TANGO6: variants seen among roughly 807,000 people sequenced by gnomAD.
TANGO6 encodes the protein transport and Golgi organization protein 6 homolog.
In TANGO6, 90 loss-of-function variants were observed where a neutral mutation model predicts 114.2. The ratio of observed to expected loss-of-function variants is 0.79; its 90% CI spans 0.66 to 0.94. The LOEUF (loss-of-function observed/expected upper bound fraction) is 0.94. TANGO6 is among the 40% of genes least tolerant of loss of function. The probability of loss-of-function intolerance (pLI) is 0.00; values close to 1 mark genes in which losing one functional copy is unlikely to be tolerated. For synonymous variants in TANGO6, 477 were observed against 509.8 expected (o/e 0.94, Z 0.87); for missense variants, 1,274 against 1,315.3 (o/e 0.97, Z 0.49).
intron 7 of TANGO6, among the ~76,000 whole-genome samples, chr16:68,883,636 T>G (rs1962495239): frequency 6.6e-6 from 1 of 152,218 alleles, no homozygotes; most frequent in Admixed American, 6.5e-5. Flanking sequence ...AACATTATTG[T>G]GTATATTTGT....
At chr16:69,034,885 T>A (rs1959661956) in intron 16 of TANGO6, 1 of 151,198 alleles carries the variant, frequency 6.6e-6, no homozygotes, top group African/African-American at 2.4e-5. Context: ...TTTTTTTCAA[T>A]TTTTCCTTGT....
chr16:68,883,637 G>T (rs1307306762), intron 7 of TANGO6, among the ~76,000 whole-genome samples: 2 of 152,062 alleles, frequency 1.3e-5, no homozygotes, highest in African/African-American at 4.8e-5. Context: ...ACATTATTGT[G>T]TATATTTGTG....
At chr16:68,933,069 G>A (rs1425126234) in intron 14 of TANGO6, among the ~76,000 whole-genome samples, 4 of 152,158 alleles carry the variant, frequency 2.6e-5, no homozygotes, top group Non-Finnish European at 5.9e-5. Flanking sequence ...ATAATGTGGT[G>A]ATCTCTGTAA....
intron 7 of TANGO6, among the ~76,000 whole-genome samples, chr16:68,884,701 TAGAG>T (rs766977997): frequency 3.3e-5 from 5 of 151,780 alleles, no homozygotes; most frequent in Non-Finnish European, 5.9e-5. Flanking sequence ...TCAGTAAACT[TAGAG>T]GGAGAAAAAA....
At chr16:68,865,441 T>C (rs1018687122) in intron 3 of TANGO6, among the ~76,000 whole-genome samples, 4 of 151,992 alleles carry the variant, frequency 2.6e-5, no homozygotes, top group Non-Finnish European at 4.4e-5. Flanking sequence ...TCTCAAAAGA[T>C]AGAAGAGGAA....
In TANGO6 at chr16:68,864,785, T is replaced by C. The variant is rs575094057; in HGVS notation, c.852+1724T>C. ...GTGTTTGAATTTGTAAACCTTTCCA[T>C]TCTTCAGGTTTCTTACCCATAAGAT... On this transcript the variant is annotated intron_variant, in intron 3 of 17. Transcript: ENST00000261778. Among the ~76,000 whole-genome samples, 332 of 152,276 alleles carry C rather than the reference T, an allele frequency of 2.2e-3. 4 individuals are homozygous for C. The highest frequency in any genetic ancestry group is 2.4e-3 in the Non-Finnish European group (161 of 68,016).
chr16:69,066,883 T>A (rs1361461241), intron 17 of TANGO6, among the ~76,000 whole-genome samples: 1 of 152,046 alleles, frequency 6.6e-6, no homozygotes, highest in African/African-American at 2.4e-5. Context: ...CAAGACCCCG[T>A]CTCTACAAAA....
intron 17 of TANGO6, among the ~76,000 whole-genome samples, chr16:69,071,434 T>TA (rs1960296088): frequency 6.6e-6 from 1 of 152,240 alleles, no homozygotes; most frequent in Non-Finnish European, 1.5e-5. Flanking sequence ...GTAAATGTCT[T>TA]ATTTTTGACC....
At chr16:69,061,258 C>T (rs763758213) in intron 17 of TANGO6, among the ~76,000 whole-genome samples, 14 of 152,116 alleles carry the variant, frequency 9.2e-5, no homozygotes, top group Non-Finnish European at 1.6e-4. Flanking sequence ...GCTAGAATCA[C>T]TCTGCTTTTC....
intron 15 of TANGO6, among the ~76,000 whole-genome samples, chr16:68,978,910 T>C (rs1963790987): frequency 6.7e-6 from 1 of 149,432 alleles, no homozygotes; most frequent in Non-Finnish European, 1.5e-5. Context: ...TACAGTAAAG[T>C]ATATAAAGTA....
At chr16:68,953,237 C>T (rs1254205687) in intron 14 of TANGO6, among the ~76,000 whole-genome samples, 1 of 152,130 alleles carries the variant, frequency 6.6e-6, no homozygotes, top group Admixed American at 6.6e-5. Flanking sequence ...GCACGCACCA[C>T]CACGCCTGGC....
intron 14 of TANGO6, among the ~76,000 whole-genome samples, chr16:68,938,333 G>A (rs557736220): frequency 8.5e-5 from 13 of 152,280 alleles, no homozygotes; most frequent in South Asian, 6.2e-4. Flanking sequence ...TAAAGTTTTG[G>A]AGATCTGGCA....
chr16:69,084,146 G>A lies in TANGO6; in HGVS notation c.*485G>A, dbSNP rs960552548. 2.6e-5 allele frequency: 4 copies of A among 152,720 alleles called. No homozygotes were observed. The highest frequency in any genetic ancestry group is 9.6e-5 in the African/African-American group (4 of 41,466). The allele number at this position is 152,720 out of a possible 1,614,324, so 9.5% of individuals were successfully genotyped here. ...GCATTTCAGAGTAGGAGATGCAGTT[G>A]GAGGTGGGGAGGGGAAGGAAATAGT... On this transcript the variant is annotated 3_prime_UTR_variant, in exon 18 of 18. Transcript: ENST00000261778.
chr16:69,039,832 A>C (rs1204789075), intron 16 of TANGO6, among the ~76,000 whole-genome samples: 1 of 152,190 alleles, frequency 6.6e-6, no homozygotes, highest in Non-Finnish European at 1.5e-5. Context: ...CCCTAGGCTG[A>C]AACTTTCATC....
intron 15 of TANGO6, among the ~76,000 whole-genome samples, chr16:69,009,606 T>C (rs190914226): frequency 2.6e-4 from 40 of 152,310 alleles, no homozygotes; most frequent in African/African-American, 9.6e-4. Context: ...GCTGGCATTT[T>C]GGTAGGGATT....
rs61730958 is a variant in TANGO6 at position 68,927,998 on chromosome 16, C to G, written c.2558C>G (p.Thr853Arg). The stretch of plus-strand genomic sequence containing the variant: ...TCAGCTTATGACCCTCAAATTCCAA[C>G]ACGGGCTGCTGCCCTGCGTACTCTT... Reference protein sequence around the residue: ...LLSAYDPQIPTRAAALRTLSH... With the variant: ...LLSAYDPQIPRRAAALRTLSH... Residue 853 changes from threonine (T) to arginine (R), a missense_variant, in exon 13 of 18, where the codon ACA (threonine) becomes AGA (arginine). By Grantham distance (71) the Thr-to-Arg change is moderately conservative. Transcript: ENST00000261778. The G allele has an allele frequency of 1.9e-3, 3,038 of 1,612,190 alleles. 52 individuals carry two copies. The African/African-American group carries it at 0.035, about 18-fold the overall frequency.
intron 1 of TANGO6, among the ~76,000 whole-genome samples, chr16:68,850,347 G>C (rs1182500334): frequency 6.6e-6 from 1 of 151,974 alleles, no homozygotes; most frequent in Non-Finnish European, 1.5e-5. Context: ...GGTTCCTAAT[G>C]AAATTAATGT....
chr16:68,870,412 C>G (rs1028441683), intron 4 of TANGO6, among the ~76,000 whole-genome samples: 1 of 152,126 alleles, frequency 6.6e-6, no homozygotes, highest in Non-Finnish European at 1.5e-5. Flanking sequence ...CCCCTCAGTT[C>G]TCCCCACAGT....
intron 14 of TANGO6, chr16:68,948,153 A>G (rs547035838): frequency 2.0e-5 from 3 of 152,276 alleles, no homozygotes; most frequent in South Asian, 4.1e-4. Flanking sequence ...TCCTTTATCA[A>G]TCAAAGATTG....
Sources: allele counts gnomAD v4.1 joint callset (sites outside exome capture counted in the v4.1 genomes callset), GRCh38; gene constraint gnomAD v4.1.1; transcripts MANE v1.5; gene names NCBI Gene and HGNC (gene_info 2026-07-23, HGNC 2026-07-21).